Variants in TBC1D32 observed in about 807,000 individuals in gnomAD.
TBC1D32 encodes the protein protein broad-minded.
In TBC1D32, 151 loss-of-function variants were observed where a neutral mutation model predicts 170.3. The ratio of observed to expected loss-of-function variants is 0.89; its 90% confidence interval spans 0.78 to 1.01. The LOEUF (loss-of-function observed/expected upper bound fraction) is 1.01. TBC1D32 is among the 50% of genes least tolerant of loss of function. The pLI, the probability that TBC1D32 is intolerant of heterozygous loss-of-function variation, is 0.00. For missense variants in TBC1D32, 1,464 were observed against 1,457.1 expected (o/e 1.00, Z -0.08); for synonymous variants, 498 against 488.0 (o/e 1.02, Z -0.27).
intron 2 of TBC1D32, among the ~76,000 whole-genome samples, chr6:121,321,298 G>C (rs188191604): frequency 6.6e-6 from 1 of 152,136 alleles, no homozygotes; most frequent in African/African-American, 2.4e-5. Context: ...AAATCCCTCC[G>C]GGAGGGACTT....
At chr6:121,333,931 G>A (rs1427925836) in intron 1 of TBC1D32, among the ~76,000 whole-genome samples, 2 of 152,138 alleles carry the variant, frequency 1.3e-5, no homozygotes, top group African/African-American at 4.8e-5. Flanking sequence ...GCCGGCCGCG[G>A]TGGCGGGCAC....
At chr6:121,326,042 A>G (rs953327329) in intron 1 of TBC1D32, among the ~76,000 whole-genome samples, 31 of 152,336 alleles carry the variant, frequency 2.0e-4, no homozygotes, top group African/African-American at 7.5e-4. Flanking sequence ...ACTGGTCATT[A>G]GAGAAATGCA....
At chr6:121,328,110 A>G (rs1389537053) in intron 1 of TBC1D32, among the ~76,000 whole-genome samples, 2 of 152,138 alleles carry the variant, frequency 1.3e-5, no homozygotes, top group African/African-American at 2.4e-5. Context: ...CAGATTTCAC[A>G]TATTCCAATT....
At chr6:121,199,909 A>C (rs1791317054) in intron 22 of TBC1D32, among the ~76,000 whole-genome samples, 1 of 151,476 alleles carries the variant, frequency 6.6e-6, no homozygotes, top group Admixed American at 6.5e-5. Flanking sequence ...AATTTTTAAA[A>C]CAAATATGAA....
chr6:121,160,995 C>A lies in TBC1D32; in HGVS notation c.2632G>T (p.Val878Phe). The A allele has an allele frequency of 6.2e-7, 1 of 1,613,862 alleles. No individual in the cohort carries two copies. The change falls in exon 23 of 32, where the codon GTT becomes TTT. Residue 878 changes from valine (V) to phenylalanine (F), a missense_variant. Val to Phe is a conservative substitution (Grantham distance 50). This residue lies in a region of TBC1D32 where 1,363 missense variants were observed against 1,338.1 expected (regional missense o/e 1.02). Transcript: ENST00000398212. ...RNHVLVRINL[V>F]GGPLERILPP... The stretch of plus-strand genomic sequence containing the variant: ...AAAATCCGTTCCAATGGCCCACCAA[C>A]AAGATTTATTCTAACAAGAACATGA...
chr6:121,188,550 G>A (rs1009757291), intron 22 of TBC1D32, among the ~76,000 whole-genome samples: 1 of 152,008 alleles, frequency 6.6e-6, no homozygotes, highest in African/African-American at 2.4e-5. Flanking sequence ...AAAGATAAGA[G>A]ATGAAGGCTG....
In TBC1D32 at chr6:121,112,496, A is replaced by T; in HGVS notation, c.3324+9T>A. 1 of 1,596,594 alleles carries T rather than the reference A, an allele frequency of 6.3e-7. No homozygotes were observed. On this transcript the variant is annotated intron_variant, in intron 29 of 31. Coordinates refer to ENST00000398212, the MANE Select transcript of TBC1D32 (RefSeq NM_152730.6). ...CAAACCCTCCTTTAAAAACAGATTG[A>T]AGTCTTACAGAAATATGTAGCCTTG...
intron 25 of TBC1D32, among the ~76,000 whole-genome samples, chr6:121,129,326 A>G (rs1189348512): frequency 6.6e-6 from 1 of 152,184 alleles, no homozygotes; most frequent in African/African-American, 2.4e-5. Context: ...CAGCCATAGG[A>G]TAACTTAAGT....
At chr6:121,307,389 A>G (rs1191941848) in intron 5 of TBC1D32, among the ~76,000 whole-genome samples, 4 of 152,126 alleles carry the variant, frequency 2.6e-5, no homozygotes, top group African/African-American at 9.7e-5. Flanking sequence ...AAACAAAATG[A>G]AACAAAAATA....
At chr6:121,088,489 T>G (rs993554604) in intron 31 of TBC1D32, among the ~76,000 whole-genome samples, 2 of 152,158 alleles carry the variant, frequency 1.3e-5, no homozygotes, top group Non-Finnish European at 2.9e-5. Flanking sequence ...AAAAATGCTG[T>G]ACATATATAC....
intron 15 of TBC1D32, among the ~76,000 whole-genome samples, chr6:121,273,385 C>A (rs767705300): frequency 6.6e-6 from 1 of 151,408 alleles, no homozygotes; most frequent in Non-Finnish European, 1.5e-5. Flanking sequence ...CAAACTATCA[C>A]AGGGACAGAA....
chr6:121,179,126 C>T (rs1443838526), intron 22 of TBC1D32, among the ~76,000 whole-genome samples: 2 of 152,016 alleles, frequency 1.3e-5, no homozygotes, highest in African/African-American at 4.8e-5. Context: ...TATGATAATG[C>T]TATTTGGTTG....
At chr6:121,226,753 T>C (rs542874380) in intron 20 of TBC1D32, among the ~76,000 whole-genome samples, 4 of 152,252 alleles carry the variant, frequency 2.6e-5, no homozygotes, top group Admixed American at 6.5e-5. Context: ...TTTAAAGTAG[T>C]ATGGTCACGA....
At chr6:121,201,762 C>T (rs1263319227) in intron 22 of TBC1D32, among the ~76,000 whole-genome samples, 1 of 150,534 alleles carries the variant, frequency 6.6e-6, no homozygotes, top group African/African-American at 2.5e-5. Context: ...TGTATATGTA[C>T]AGAAAGATGC....
At chr6:121,275,128 G>C (rs551349626) in intron 15 of TBC1D32, among the ~76,000 whole-genome samples, 1 of 152,296 alleles carries the variant, frequency 6.6e-6, no homozygotes, top group African/African-American at 2.4e-5. Flanking sequence ...GATGGAGAAT[G>C]AAGGAACTAG....
chr6:121,142,424 G>T (rs140543174), intron 24 of TBC1D32, among the ~76,000 whole-genome samples: 6 of 152,300 alleles, frequency 3.9e-5, no homozygotes, highest in Non-Finnish European at 7.4e-5. Flanking sequence ...AGCCTCAACT[G>T]AGTAAATATA....
chr6:121,104,700 C>T (rs781512971), intron 30 of TBC1D32, among the ~76,000 whole-genome samples: 1 of 151,680 alleles, frequency 6.6e-6, no homozygotes, highest in Non-Finnish European at 1.5e-5. Context: ...ACTACACTCA[C>T]TGGCAATATC....
At chr6:121,300,226 G>A (rs565989313) in intron 9 of TBC1D32, among the ~76,000 whole-genome samples, 6 of 151,972 alleles carry the variant, frequency 3.9e-5, no homozygotes, top group East Asian at 1.9e-4. Context: ...GGCAAATCAC[G>A]AGGTCAGGAG....
At position 121,255,370 on chromosome 6, in the gene TBC1D32, C is replaced by T; in HGVS notation, c.1976G>A (p.Gly659Asp). Residue 659 changes from glycine (G) to aspartate (D), a missense_variant, in exon 17 of 32, where the codon GGT becomes GAT. Transcript: ENST00000398212. The part of the protein sequence containing the change: ...LSERIPTPVE[G>D]SDSVSSVSQE... ...GCTTACTGAAGAAACAGAATCAGAA[C>T]CCTCTACTGGAGTAGGAATTCTTTC... 1.3e-6 allele frequency: 2 copies of T among 1,543,540 alleles called. No homozygotes were observed. Among genetic ancestry groups the T allele is most frequent in the Non-Finnish European group, 1.7e-6 (2 of 1,149,092 alleles).
Sources: gnomAD v4.1 joint callset for allele counts (sites outside exome capture counted in the v4.1 genomes callset) on GRCh38, gnomAD v4.1.1 for gene constraint, gnomAD v4.1.1 regional missense constraint, MANE v1.5 for transcripts, NCBI Gene and HGNC (gene_info 2026-07-23, HGNC 2026-07-21) for gene names.